Variants in CSMD1 observed in about 807,000 individuals in gnomAD.
CSMD1 encodes the protein CUB and Sushi multiple domains 1.
CSMD1 carries 213 observed loss-of-function variants against 417.5 expected under a neutral mutation model. The ratio of observed to expected loss-of-function variants is 0.51; its 90% CI spans 0.46 to 0.57. CSMD1 has a LOEUF of 0.57. CSMD1 is among the 20% of genes least tolerant of loss of function. The pLI is 0.00. For missense variants in CSMD1, 6,923 were observed against 4,529.7 expected (o/e 1.53, Z -15.17); for synonymous variants, 2,862 against 1,736.8 (o/e 1.65, Z -16.11).
chr8:4,746,911 G>A (rs765037658), intron 1 of CSMD1, among the ~76,000 whole-genome samples: 7 of 152,188 alleles, frequency 4.6e-5, no homozygotes, highest in Non-Finnish European at 8.8e-5. Context: ...AGAATTGTGG[G>A]ACACTCTAGT....
intron 12 of CSMD1, among the ~76,000 whole-genome samples, chr8:3,411,871 C>G (rs1205025244): frequency 1.2e-5 from 1 of 83,302 alleles, no homozygotes; most frequent in African/African-American, 4.1e-5. Context: ...CGTATATATG[C>G]ACGTATATAT....
intron 3 of CSMD1, among the ~76,000 whole-genome samples, chr8:4,068,152 G>C (rs531082820): frequency 3.9e-5 from 6 of 152,154 alleles, no homozygotes; most frequent in Admixed American, 6.5e-5. Context: ...AGGGTCTATA[G>C]AGAGTCATTT....
rs2627476 is a variant in CSMD1 at position 3,965,825 on chromosome 8, G to A, written c.818+32078C>T. Among the ~76,000 whole-genome samples the A allele has an allele frequency of 1.8e-4, 28 of 152,014 alleles. No homozygotes were observed. The South Asian group carries it at 5.8e-3, about 32-fold the overall frequency. On this transcript the variant is annotated intron_variant, in intron 5 of 69. Coordinates refer to ENST00000635120, the MANE Select transcript of CSMD1 (RefSeq NM_033225.6). ...GTAGAGATGGGGTTTCACCATGTTGGCCAGGCCGGTCTTGAACTCTTGACC... is the reference window on the plus strand; with the variant it reads ...GTAGAGATGGGGTTTCACCATGTTGACCAGGCCGGTCTTGAACTCTTGACC...
intron 1 of CSMD1, among the ~76,000 whole-genome samples, chr8:4,892,696 G>C (rs1237690442): frequency 6.6e-6 from 1 of 151,924 alleles, no homozygotes; most frequent in East Asian, 1.9e-4. Context: ...TAGTCTTTTT[G>C]TACATTTACT....
At chr8:4,339,910 G>C (rs972859111) in intron 3 of CSMD1, among the ~76,000 whole-genome samples, 1 of 151,952 alleles carries the variant, frequency 6.6e-6, no homozygotes, top group Non-Finnish European at 1.5e-5. Flanking sequence ...CAGTAGTCCT[G>C]GCTCCTAAGG....
intron 5 of CSMD1, among the ~76,000 whole-genome samples, chr8:3,847,720 G>C (rs540153208): frequency 2.6e-5 from 4 of 152,152 alleles, no homozygotes; most frequent in Admixed American, 2.6e-4. Flanking sequence ...CTTCCTTATA[G>C]CAAGTCTCAA....
intron 3 of CSMD1, among the ~76,000 whole-genome samples, chr8:4,285,240 T>C (rs538554040): frequency 1.2e-4 from 18 of 152,368 alleles, no homozygotes; most frequent in Admixed American, 3.3e-4. Context: ...GGTTTCATCA[T>C]ACAGCAGGCC....
chr8:3,048,704 A>G (rs1811620211), intron 50 of CSMD1, among the ~76,000 whole-genome samples: 1 of 151,782 alleles, frequency 6.6e-6, no homozygotes, highest in African/African-American at 2.4e-5. Flanking sequence ...AAACAGAGGC[A>G]GGATGCATTT....
intron 3 of CSMD1, among the ~76,000 whole-genome samples, chr8:4,265,820 A>G (rs1804197293): frequency 9.5e-6 from 1 of 104,944 alleles, no homozygotes; most frequent in Admixed American, 9.0e-5. Flanking sequence ...CCATTTACCT[A>G]TCAACTTGGT....
At chr8:3,372,051 A>G (rs546608470) in intron 18 of CSMD1, among the ~76,000 whole-genome samples, 1 of 152,234 alleles carries the variant, frequency 6.6e-6, no homozygotes, top group Non-Finnish European at 1.5e-5. Flanking sequence ...TAAAACCTGT[A>G]ACAACATAAA....
chr8:3,958,665 A>T (rs1008375580), intron 5 of CSMD1, among the ~76,000 whole-genome samples: 1 of 152,210 alleles, frequency 6.6e-6, no homozygotes, highest in Non-Finnish European at 1.5e-5. Context: ...CTATAAAAAC[A>T]AAATGTCAAA....
intron 3 of CSMD1, among the ~76,000 whole-genome samples, chr8:4,326,273 C>T (rs17069926): frequency 0.022 from 3,289 of 152,180 alleles, 97 homozygotes; most frequent in East Asian, 0.14. Context: ...TCTTCACATA[C>T]GGTGGGAGAC....
chr8:4,307,412 C>T (rs774665210), intron 3 of CSMD1, among the ~76,000 whole-genome samples: 10 of 152,274 alleles, frequency 6.6e-5, no homozygotes, highest in South Asian at 2.1e-4. Flanking sequence ...CCACAATTCT[C>T]GTATCACACC....
chr8:4,581,448 G>C (rs1359760421), intron 2 of CSMD1, among the ~76,000 whole-genome samples: 1 of 152,040 alleles, frequency 6.6e-6, no homozygotes, highest in Non-Finnish European at 1.5e-5. Context: ...GCAAGCAGTT[G>C]TTTTCTATTT....
intron 7 of CSMD1, among the ~76,000 whole-genome samples, chr8:3,621,207 G>C (rs902069852): frequency 6.6e-6 from 1 of 152,150 alleles, no homozygotes. Flanking sequence ...GCCACTCGGC[G>C]AGTAGCGTAG....
chr8:4,979,594 A>C (rs1206020222), intron 1 of CSMD1, among the ~76,000 whole-genome samples: 1 of 152,222 alleles, frequency 6.6e-6, no homozygotes, highest in African/African-American at 2.4e-5. Context: ...TATTTAAATC[A>C]TTAAGAAATC....
At chr8:3,185,253 T>C (rs947846586) in intron 36 of CSMD1, among the ~76,000 whole-genome samples, 4 of 152,238 alleles carry the variant, frequency 2.6e-5, no homozygotes, top group Non-Finnish European at 4.4e-5. Flanking sequence ...GTGGTATTTA[T>C]GTCAAACATA....
At chr8:4,933,011 C>A (rs972297353) in intron 1 of CSMD1, among the ~76,000 whole-genome samples, 4 of 152,154 alleles carry the variant, frequency 2.6e-5, no homozygotes, top group African/African-American at 4.8e-5. Context: ...AAACATTTCT[C>A]TTTGCTGATG....
chr8:3,485,619 G>C (rs1274161063), intron 11 of CSMD1, among the ~76,000 whole-genome samples: 2 of 151,858 alleles, frequency 1.3e-5, no homozygotes, highest in East Asian at 3.9e-4. Context: ...AATGAGCTGG[G>C]TGTGGTGGCG....
Sources: allele counts gnomAD v4.1 joint callset (sites outside exome capture counted in the v4.1 genomes callset), GRCh38; gene constraint gnomAD v4.1.1; transcripts MANE v1.5; gene names NCBI Gene and HGNC (gene_info 2026-07-23, HGNC 2026-07-21).